LEKR1: variants seen among roughly 807,000 people sequenced by gnomAD.
LEKR1 encodes leucine, glutamate and lysine rich 1.
In LEKR1, 59 loss-of-function variants were observed where a neutral mutation model predicts 72.4. The ratio of observed to expected loss-of-function variants is 0.82; its 90% CI spans 0.66 to 1.01. The LOEUF (loss-of-function observed/expected upper bound fraction) is 1.01, where lower values mean the gene tolerates loss of function less well. Among genes scored for constraint, LEKR1 ranks in the 50% least tolerant of loss-of-function variants. The probability of loss-of-function intolerance (pLI) is 0.00; values close to 1 mark genes in which losing one functional copy is unlikely to be tolerated. For missense variants in LEKR1, 728 were observed against 759.2 expected (o/e 0.96, Z 0.48); for synonymous variants, 257 against 263.2 (o/e 0.98, Z 0.23).
intron 2 of LEKR1, among the ~76,000 whole-genome samples, chr3:156,849,527 C>A (rs1010861696): frequency 2.0e-5 from 3 of 152,102 alleles, no homozygotes; most frequent in Non-Finnish European, 4.4e-5. Flanking sequence ...GCTACAGTAA[C>A]CAAAACAGCA....
At chr3:156,945,561 T>A (rs1726604717) in intron 6 of LEKR1, among the ~76,000 whole-genome samples, 1 of 151,884 alleles carries the variant, frequency 6.6e-6, no homozygotes, top group African/African-American at 2.4e-5. Context: ...TAATGTTTTC[T>A]TTTAGTAGTT....
chr3:156,959,170 A>T lies in LEKR1; in HGVS notation c.745+16456A>T, dbSNP rs144452491. Among the ~76,000 whole-genome samples, 19 of 152,318 alleles carry T rather than the reference A, an allele frequency of 1.2e-4. No homozygotes were observed. The East Asian group carries it at 3.3e-3, about 26-fold the overall frequency. ...ATATCTTCTCCCCAGATAAATCATC[A>T]GGTTAATATAATGGACATAGTATTT... On this transcript the variant is annotated intron_variant, in intron 6 of 12. Coordinates refer to ENST00000356539, the MANE Select transcript of LEKR1 (RefSeq NM_001004316.3).
At chr3:156,950,303 T>A (rs866167614) in intron 6 of LEKR1, among the ~76,000 whole-genome samples, 5 of 151,698 alleles carry the variant, frequency 3.3e-5, no homozygotes, top group African/African-American at 7.2e-5. Context: ...TTGCTTAGGA[T>A]TTCCTTGGCT....
At chr3:157,043,791 C>T (rs1735549455) in intron 12 of LEKR1, among the ~76,000 whole-genome samples, 2 of 152,198 alleles carry the variant, frequency 1.3e-5, no homozygotes, top group African/African-American at 4.8e-5. Flanking sequence ...ACCATCCTTG[C>T]TCTCTCCAGT....
chr3:156,976,461 C>A (rs1025165833), intron 6 of LEKR1, among the ~76,000 whole-genome samples: 1 of 151,964 alleles, frequency 6.6e-6, no homozygotes, highest in African/African-American at 2.4e-5. Context: ...ATGAAATCTT[C>A]TCATGGAATC....
chr3:156,981,792 C>G (rs1346324424), intron 7 of LEKR1, among the ~76,000 whole-genome samples: 1 of 152,192 alleles, frequency 6.6e-6, no homozygotes, highest in Admixed American at 6.5e-5. Context: ...GAAGTCAAAA[C>G]AGTTCATTCA....
At chr3:156,899,341 C>CAT (rs1273168328) in intron 3 of LEKR1, among the ~76,000 whole-genome samples, 10 of 112,288 alleles carry the variant, frequency 8.9e-5, no homozygotes, top group African/African-American at 3.7e-4. Context: ...TACATATATA[C>CAT]ACATATATAC....
intron 9 of LEKR1, among the ~76,000 whole-genome samples, chr3:157,006,279 A>G (rs1732427824): frequency 6.6e-6 from 1 of 152,174 alleles, no homozygotes; most frequent in African/African-American, 2.4e-5. Context: ...TGCTGGGATT[A>G]CAGGCGTGAG....
intron 10 of LEKR1, among the ~76,000 whole-genome samples, chr3:157,013,173 T>C (rs1291050463): frequency 6.6e-6 from 1 of 152,168 alleles, no homozygotes; most frequent in Non-Finnish European, 1.5e-5. Context: ...TTAACGTGGA[T>C]AGCGATTCAG....
intron 9 of LEKR1, among the ~76,000 whole-genome samples, chr3:157,005,999 A>AT (rs748719503): frequency 0.017 from 2,391 of 140,948 alleles, 35 homozygotes; most frequent in African/African-American, 0.034. Context: ...ACTACTATAC[A>AT]TTTTTTTTTT....
At position 156,908,010 on chromosome 3, in the gene LEKR1, G is replaced by T. The variant is rs542084268; in HGVS notation, c.264-12565G>T. The stretch of plus-strand genomic sequence containing the variant: ...TATTTTGTAGAATATCCCTCAATTT[G>T]GGTTTGTCTGATGTTTACTAATTAT... On this transcript the variant is annotated intron_variant, in intron 3 of 12. Transcript: ENST00000356539. Among the ~76,000 whole-genome samples, 3 of 151,830 alleles carry T rather than the reference G, an allele frequency of 2.0e-5. No homozygotes were observed. The East Asian group carries it at 5.8e-4, about 29-fold the overall frequency.
At chr3:156,978,614 C>A (rs1047466181) in intron 6 of LEKR1, among the ~76,000 whole-genome samples, 7 of 152,112 alleles carry the variant, frequency 4.6e-5, no homozygotes, top group African/African-American at 1.7e-4. Context: ...GAATAATAAT[C>A]CTCAAATACT....
At chr3:156,959,916 T>A (rs1447841076) in intron 6 of LEKR1, among the ~76,000 whole-genome samples, 1 of 152,194 alleles carries the variant, frequency 6.6e-6, no homozygotes, top group Admixed American at 6.5e-5. Flanking sequence ...TCAAACTATG[T>A]AAATATCTCT....
intron 6 of LEKR1, among the ~76,000 whole-genome samples, chr3:156,974,181 A>G (rs1729493737): frequency 6.6e-6 from 1 of 152,164 alleles, no homozygotes; most frequent in Non-Finnish European, 1.5e-5. Flanking sequence ...ATGAAATATT[A>G]TGTATCAGTC....
At position 157,026,067 on chromosome 3, in the gene LEKR1, T is replaced by C. The variant is rs973034885; in HGVS notation, c.1368+1143T>C. ...TCCTTCTCTAAAAGAAAAAAAAAAA[T>C]CTTAGTGATTTTATCTTTGAACTTC... On this transcript the variant is annotated intron_variant, in intron 11 of 12. Transcript: ENST00000356539. Among the ~76,000 whole-genome samples, 4 of 141,292 alleles carry C rather than the reference T, an allele frequency of 2.8e-5. 1 individual carries two copies. Among genetic ancestry groups the C allele is most frequent in the Admixed American group, 2.7e-4 (4 of 14,800 alleles). The allele number at this position is 141,292 out of a possible 152,430, so 92.7% of individuals were successfully genotyped here.
chr3:156,843,157 A>T (rs1714151241), intron 2 of LEKR1, among the ~76,000 whole-genome samples: 1 of 152,204 alleles, frequency 6.6e-6, no homozygotes, highest in Admixed American at 6.5e-5. Flanking sequence ...TTTTATTGCC[A>T]CAATTTAAGA....
chr3:156,989,867 T>G (rs1022131882), intron 7 of LEKR1, among the ~76,000 whole-genome samples: 1 of 151,902 alleles, frequency 6.6e-6, no homozygotes, highest in African/African-American at 2.4e-5. Flanking sequence ...ATTTTTTTCC[T>G]GAACCGTTTT....
At chr3:157,044,193 C>A (rs1447561968) in intron 12 of LEKR1, among the ~76,000 whole-genome samples, 3 of 152,184 alleles carry the variant, frequency 2.0e-5, no homozygotes, top group African/African-American at 7.2e-5. Flanking sequence ...AATGGAAATT[C>A]ATTTTTGAGT....
chr3:156,951,324 T>TTG (rs112002194), intron 6 of LEKR1, among the ~76,000 whole-genome samples: 3,852 of 151,304 alleles, frequency 0.025, 166 homozygotes, highest in African/African-American at 0.088. Flanking sequence ...CTGAATTTTT[T>TTG]TGTGTGTGTG....
Sources: allele counts gnomAD v4.1 joint callset (sites outside exome capture counted in the v4.1 genomes callset), GRCh38; gene constraint gnomAD v4.1.1; transcripts MANE v1.5; gene names NCBI Gene and HGNC (gene_info 2026-07-23, HGNC 2026-07-21).